SPRED2: variants seen among roughly 807,000 people sequenced by gnomAD.
SPRED2 encodes the protein sprouty-related, EVH1 domain-containing protein 2.
SPRED2 carries 47 observed loss-of-function variants against 43.0 expected under a neutral mutation model. That is an observed-to-expected ratio of 1.09 (90% CI 0.87 to 1.40). The LOEUF (loss-of-function observed/expected upper bound fraction) is 1.40, where lower values mean the gene tolerates loss of function less well. Ranked by LOEUF, SPRED2 falls within the 40% of genes most tolerant of loss-of-function variation. The probability of loss-of-function intolerance (pLI) is 0.00; values close to 1 mark genes in which losing one functional copy is unlikely to be tolerated. For missense variants in SPRED2, 561 were observed against 586.4 expected, an observed-to-expected ratio of 0.96 and a Z score of 0.45; for synonymous variants, 225 against 225.7, an observed-to-expected ratio of 1.00 and a Z score of 0.03.
chr2:65,427,664 C>T (rs1676587795), intron 1 of SPRED2, among the ~76,000 whole-genome samples: 1 of 152,190 alleles, frequency 6.6e-6, no homozygotes, highest in Non-Finnish European at 1.5e-5. Flanking sequence ...CAGTATGCCC[C>T]TCATGCTTCA....
intron 1 of SPRED2, among the ~76,000 whole-genome samples, chr2:65,400,661 G>A (rs1422299744): frequency 2.0e-5 from 3 of 152,086 alleles, no homozygotes; most frequent in Middle Eastern, 3.4e-3. Context: ...TTCTGTGTTC[G>A]TCCCTATTTC....
intron 2 of SPRED2, among the ~76,000 whole-genome samples, chr2:65,336,149 G>A (rs1177885974): frequency 8.5e-5 from 13 of 152,278 alleles, no homozygotes; most frequent in African/African-American, 3.1e-4. Context: ...GAGCCCAGGA[G>A]TTTGAGACCA....
intron 1 of SPRED2, among the ~76,000 whole-genome samples, chr2:65,382,947 G>A (rs1233966530): frequency 6.6e-6 from 1 of 152,174 alleles, no homozygotes; most frequent in East Asian, 1.9e-4. Flanking sequence ...GCGGTGGTGT[G>A]TTTGAAAAAT....
chr2:65,395,888 T>G (rs111269427), intron 1 of SPRED2, among the ~76,000 whole-genome samples: 215 of 152,298 alleles, frequency 1.4e-3, no homozygotes, highest in Middle Eastern at 0.01. Context: ...TCAGGGTCCT[T>G]TTTTCCATCT....
At chr2:65,346,604 G>T (rs1408754636) in intron 1 of SPRED2, among the ~76,000 whole-genome samples, 1 of 152,028 alleles carries the variant, frequency 6.6e-6, no homozygotes, top group Admixed American at 6.6e-5. Flanking sequence ...CCTCATATAA[G>T]TTCCTTTCCC....
At chr2:65,321,801 C>G (rs1673421228) in intron 4 of SPRED2, among the ~76,000 whole-genome samples, 1 of 152,122 alleles carries the variant, frequency 6.6e-6, no homozygotes, top group South Asian at 2.1e-4. Context: ...GAGACAGAGC[C>G]TTGATCTGTC....
intron 1 of SPRED2, among the ~76,000 whole-genome samples, chr2:65,417,977 CT>C (rs1327481141): frequency 6.6e-6 from 1 of 152,190 alleles, no homozygotes; most frequent in Non-Finnish European, 1.5e-5. Context: ...AATAAGTTGG[CT>C]AATTTTGTTC....
intron 5 of SPRED2, among the ~76,000 whole-genome samples, chr2:65,315,510 T>C (rs993939846): frequency 6.6e-6 from 1 of 152,234 alleles, no homozygotes; most frequent in Admixed American, 6.5e-5. Context: ...AAATTCTTGG[T>C]ATCAGAGTTG....
chr2:65,367,478 A>C (rs1467062155), intron 1 of SPRED2, among the ~76,000 whole-genome samples: 1 of 152,224 alleles, frequency 6.6e-6, no homozygotes, highest in East Asian at 1.9e-4. Context: ...AAATTAAAAA[A>C]AATTTTTTTT....
At chr2:65,408,440 G>C (rs1676075578) in intron 1 of SPRED2, among the ~76,000 whole-genome samples, 1 of 152,124 alleles carries the variant, frequency 6.6e-6, no homozygotes, top group Non-Finnish European at 1.5e-5. Flanking sequence ...GATTCCTGTA[G>C]GAATTCCTTG....
At chr2:65,327,947 T>C (rs531238587) in intron 4 of SPRED2, among the ~76,000 whole-genome samples, 66 of 151,942 alleles carry the variant, frequency 4.3e-4, no homozygotes, top group Non-Finnish European at 6.5e-4. Flanking sequence ...TGGTCTTGAA[T>C]TGCTGACCTC....
chr2:65,310,020 T>C (rs1003850000), downstream of SPRED2, among the ~76,000 whole-genome samples: 1 of 152,174 alleles, frequency 6.6e-6, no homozygotes, highest in African/African-American at 2.4e-5. Context: ...GTTGCTCAAC[T>C]GTGACACAGG....
chr2:65,308,682 G>C, downstream of SPRED2: 1 of 514,714 alleles, frequency 1.9e-6, no homozygotes, highest in Non-Finnish European at 2.5e-6. Flanking sequence ...GCTGAGGGTA[G>C]GTATTATCCC....
At chr2:65,337,162 G>C (rs1025282341) in intron 2 of SPRED2, among the ~76,000 whole-genome samples, 2 of 152,088 alleles carry the variant, frequency 1.3e-5, no homozygotes, top group Admixed American at 6.5e-5. Flanking sequence ...TTAAGTGAGG[G>C]GGGAAATCAG....
intron 1 of SPRED2, among the ~76,000 whole-genome samples, chr2:65,385,264 G>A (rs1328028624): frequency 2.0e-5 from 3 of 152,090 alleles, no homozygotes; most frequent in African/African-American, 4.8e-5. Flanking sequence ...GAGCCACCAC[G>A]CCCGGCCTGC....
chr2:65,326,330 A>G (rs1673615328), intron 4 of SPRED2, among the ~76,000 whole-genome samples: 1 of 152,146 alleles, frequency 6.6e-6, no homozygotes, highest in African/African-American at 2.4e-5. Flanking sequence ...AATGTCTACT[A>G]AGGCTGAGAA....
chr2:65,407,792 C>G (rs1676060957), intron 1 of SPRED2, among the ~76,000 whole-genome samples: 1 of 152,210 alleles, frequency 6.6e-6, no homozygotes, highest in African/African-American at 2.4e-5. Flanking sequence ...ATAACTCCAA[C>G]TGGAGGACAG....
chr2:65,373,947 A>G (rs956051579), intron 1 of SPRED2: 1 of 152,266 alleles, frequency 6.6e-6, no homozygotes, highest in African/African-American at 2.4e-5. Context: ...ACTACAGAAA[A>G]TTTAGCAAAT....
At chr2:65,424,739 C>A (rs1456518659) in intron 1 of SPRED2, among the ~76,000 whole-genome samples, 1 of 150,298 alleles carries the variant, frequency 6.7e-6, no homozygotes, top group African/African-American at 2.5e-5. Context: ...CTGCTTAAGG[C>A]TAGGAGCTGA....
Sources: allele counts gnomAD v4.1 joint callset (sites outside exome capture counted in the v4.1 genomes callset), GRCh38; gene constraint gnomAD v4.1.1; transcripts MANE v1.5; gene names NCBI Gene and HGNC (gene_info 2026-07-23, HGNC 2026-07-21).